Variants in SMG5 observed in about 807,000 individuals in gnomAD.
SMG5 encodes nonsense-mediated mRNA decay factor SMG5.
A neutral mutation model predicts 122.9 loss-of-function variants in SMG5; 53 were observed. That is an observed-to-expected ratio of 0.43 (90% CI 0.35 to 0.54). The LOEUF (loss-of-function observed/expected upper bound fraction) is 0.54, where lower values mean the gene tolerates loss of function less well. Ranked by LOEUF, SMG5 falls within the 20% of genes least tolerant of loss-of-function variation. The pLI is 0.01. For missense variants in SMG5, 1,153 were observed against 1,285.6 expected, an observed-to-expected ratio of 0.90 and a Z score of 1.58; for synonymous variants, 477 against 490.2, an observed-to-expected ratio of 0.97 and a Z score of 0.35.
intron 16 of SMG5, among the ~76,000 whole-genome samples, chr1:156,256,982 A>C (rs555605357): frequency 6.9e-6 from 1 of 145,758 alleles, no homozygotes; most frequent in Non-Finnish European, 1.5e-5. Context: ...GCTGGAGTGC[A>C]GTGGCACGAT....
intron 16 of SMG5, among the ~76,000 whole-genome samples, chr1:156,254,439 T>G (rs1169178669): frequency 6.6e-6 from 1 of 152,036 alleles, no homozygotes; most frequent in Non-Finnish European, 1.5e-5. Context: ...AAGACTCTTT[T>G]TATTATGTTT....
At chr1:156,272,188 G>C in intron 7 of SMG5, 132 bp downstream of exon 7, 1 of 801,480 alleles carries the variant, frequency 1.2e-6, no homozygotes, top group Admixed American at 2.3e-5. Flanking sequence ...CCCCTGAATG[G>C]AGAGACCCTT....
upstream of SMG5, chr1:156,285,053 G>C (rs760223462): frequency 3.9e-4 from 239 of 614,964 alleles, no homozygotes; most frequent in Non-Finnish European, 5.3e-4. Flanking sequence ...TCTGTACCAC[G>C]TTCTCCCTAA....
chr1:156,283,076 A>G (rs1663044231), upstream of SMG5: 1 of 401,312 alleles, frequency 2.5e-6, no homozygotes, highest in African/African-American at 2.1e-5. Flanking sequence ...GTGAGCTTAC[A>G]GCTAGGAGCG....
chr1:156,278,069 T>TGAGA (rs1662763824), intron 2 of SMG5, 21 bp from the exon 3 acceptor site: 1 of 1,612,868 alleles, frequency 6.2e-7, no homozygotes, highest in Non-Finnish European at 8.5e-7. Flanking sequence ...TAGAGGAGCA[T>TGAGA]GAGAGAGACA....
At chr1:156,286,025 G>C (rs1435815033), upstream of SMG5, 1 of 1,571,128 alleles carries the variant, frequency 6.4e-7, no homozygotes, top group Non-Finnish European at 8.6e-7. Flanking sequence ...AAGTGGACTT[G>C]AGGAGGGCAG....
Position 156,277,964 on chromosome 1 carries a change from T to A in SMG5, c.258A>T (p.Val86=). 1 of 1,614,166 alleles carries A rather than the reference T, an allele frequency of 6.2e-7. No homozygotes were observed. The highest frequency in any genetic ancestry group is 8.5e-7 in the Non-Finnish European group (1 of 1,179,996). ...RKAEELLWRK[V]YYEVIQLIKT... is the part of the protein sequence containing the mutation. ...TGATAAGCTGGATAACTTCATAGTATACCTTTCTCCACAGCAGCTCCTCAG... is the reference window on the plus strand; with the variant it reads ...TGATAAGCTGGATAACTTCATAGTAAACCTTTCTCCACAGCAGCTCCTCAG... Residue 86 remains valine (V), a synonymous_variant, in exon 3 of 22, where the codon GTA becomes GTT. Transcript: ENST00000361813.
At chr1:156,276,228 G>A (rs1286772690) in intron 4 of SMG5, among the ~76,000 whole-genome samples, 1 of 151,562 alleles carries the variant, frequency 6.6e-6, no homozygotes, top group Non-Finnish European at 1.5e-5. Flanking sequence ...CCGGGTTCAG[G>A]CGATTCTCTT....
At chr1:156,289,725 A>C in the SMG5 span, among the ~76,000 whole-genome samples, 1 of 152,204 alleles carries the variant, frequency 6.6e-6, no homozygotes, top group Non-Finnish European at 1.5e-5. Context: ...CACAGGTAAA[A>C]AAGAATAGAG....
At chr1:156,272,843 C>T (rs988744322) in intron 6 of SMG5, among the ~76,000 whole-genome samples, 2 of 152,054 alleles carry the variant, frequency 1.3e-5, no homozygotes, top group East Asian at 1.9e-4. Context: ...GGATTACAAA[C>T]GTTGAGCCAC....
At chr1:156,279,714 A>G (rs6701440) in intron 1 of SMG5, among the ~76,000 whole-genome samples, 69,180 of 152,044 alleles carry the variant, frequency 0.46, 16,565 homozygotes, top group Admixed American at 0.59. Context: ...TAAAGGAAAG[A>G]CACTTCTAGT....
intron 7 of SMG5, among the ~76,000 whole-genome samples, chr1:156,269,444 C>G (rs1044757554): frequency 2.0e-5 from 3 of 152,174 alleles, no homozygotes; most frequent in African/African-American, 7.2e-5. Context: ...CAAACACACA[C>G]AGCCAGGTGC....
Position 156,267,618 on chromosome 1 carries a change from G to C in SMG5, c.969C>G (p.Cys323Trp). Residue 323 changes from cysteine to tryptophan, a missense_variant, in exon 10 of 22, where the codon TGC (cysteine) becomes TGG (tryptophan). Around this residue, in one of 5 missense-constraint regions of SMG5, gnomAD observed 631 missense variants for 650.6 expected, o/e 0.97. Coordinates refer to ENST00000361813, the MANE Select transcript of SMG5 (RefSeq NM_015327.3). ...CQSVLEDFNL[C>W]LFYLPSSPNL... ...TGGGTGAGGAGGGCAGGTAGAAGAG[G>C]CAGAGGTTGAAGTCCTCCAGGACTG... The C allele has an allele frequency of 6.2e-7, 1 of 1,613,558 alleles. No individual in the cohort carries two copies. Among genetic ancestry groups the C allele is most frequent in the Non-Finnish European group, 8.5e-7 (1 of 1,179,890 alleles).
chr1:156,280,539 TCGATGC>T (rs1662889838), intron 1 of SMG5, among the ~76,000 whole-genome samples: 1 of 152,236 alleles, frequency 6.6e-6, no homozygotes, highest in Non-Finnish European at 1.5e-5. Context: ...AACCTGGCCC[TCGATGC>T]CAGGGGCAGC....
chr1:156,280,957 C>T (rs1211485738), intron 1 of SMG5, among the ~76,000 whole-genome samples: 1 of 152,224 alleles, frequency 6.6e-6, no homozygotes, highest in Non-Finnish European at 1.5e-5. Context: ...TCTCCTGCTG[C>T]CCTTTCTTCT....
upstream of SMG5, chr1:156,285,930 G>A (rs745818699): frequency 4.6e-5 from 67 of 1,470,392 alleles, no homozygotes; most frequent in Middle Eastern, 7.1e-4. Context: ...ATGAGTTCCC[G>A]CCTGATCTAC....
In SMG5 at chr1:156,256,753, C is replaced by T. The variant is rs546258996; in HGVS notation, c.2442+2252G>A. 2.2e-4 allele frequency among the ~76,000 whole-genome samples: 34 copies of T among 152,206 alleles called. No individual in the cohort carries two copies. In the South Asian group the frequency reaches 3.9e-3, roughly 18 times the overall value. ...TCCCATCAGCAGGTACTACACCCCC[C>T]GCAACTCCTAGTGCCCACTTGGCCT... On this transcript the variant is annotated intron_variant, in intron 16 of 21. Transcript: ENST00000361813.
intron 13 of SMG5, among the ~76,000 whole-genome samples, chr1:156,262,735 G>A (rs1661912245): frequency 1.3e-5 from 2 of 152,128 alleles, no homozygotes; most frequent in Admixed American, 6.5e-5. Flanking sequence ...ACACCCAACG[G>A]TGCACCTGGC....
At chr1:156,259,976 G>A (rs561538369) in intron 15 of SMG5, among the ~76,000 whole-genome samples, 5 of 152,172 alleles carry the variant, frequency 3.3e-5, no homozygotes, top group Non-Finnish European at 7.3e-5. Flanking sequence ...TGGGTGGCCT[G>A]TCTGCTTGAC....
Sources: allele counts gnomAD v4.1 joint callset (sites outside exome capture counted in the v4.1 genomes callset), GRCh38; gene constraint gnomAD v4.1.1; regional missense constraint gnomAD v4.1.1; transcripts MANE v1.5; gene names NCBI Gene and HGNC (gene_info 2026-07-23, HGNC 2026-07-21).